The following SPAG5 variants were observed in gnomAD, a reference collection of about 807,000 sequenced individuals.
The protein encoded by SPAG5 is sperm associated antigen 5.
Under a neutral mutation model 145.4 loss-of-function variants are expected in SPAG5, and 99 were observed. The ratio of observed to expected loss-of-function variants is 0.68; its 90% CI spans 0.58 to 0.80. The LOEUF (loss-of-function observed/expected upper bound fraction) is 0.80. Ranked by LOEUF, SPAG5 falls within the 30% of genes least tolerant of loss-of-function variation. The pLI, the probability that SPAG5 is intolerant of heterozygous loss-of-function variation, is 0.00. For missense variants in SPAG5, 1,192 were observed against 1,416.0 expected (o/e 0.84, Z 2.54); for synonymous variants, 477 against 525.4 (o/e 0.91, Z 1.26).
At chr17:28,590,628 T>C (rs2070613846) in intron 4 of SPAG5, among the ~76,000 whole-genome samples, 4 of 151,850 alleles carry the variant, frequency 2.6e-5, no homozygotes, top group Admixed American at 2.0e-4. Context: ...CCCAGCACTT[T>C]GGGAGGCTGA....
chr17:28,593,178 C>G (rs2070636494), intron 2 of SPAG5, 112 bp from the exon 3 acceptor site: 10 of 1,323,522 alleles, frequency 7.6e-6, no homozygotes, highest in Non-Finnish European at 1.0e-5. Context: ...ACTACCTCTG[C>G]TTAGGTAAGA....
chr17:28,595,784 G>A (rs1309269518), intron 2 of SPAG5, among the ~76,000 whole-genome samples: 1 of 151,786 alleles, frequency 6.6e-6, no homozygotes, highest in Non-Finnish European at 1.5e-5. Context: ...GGTGGCTCAC[G>A]CCCGTAATCC....
Position 28,586,454 on chromosome 17 carries a change from G to C in SPAG5, c.1483C>G (p.Gln495Glu), listed in dbSNP as rs1298362561. ...ACATTTCTGGCCTGCTGTAGGGCCT[G>C]TCCCATCTCATGGCTCTCCTTAAGA... ...QHLKESHEMG[Q>E]ALQQARNVMQ... The change falls in exon 5 of 24, where the codon CAG (glutamine) becomes GAG (glutamate). Residue 495 changes from glutamine to glutamate, a missense_variant. Transcript: ENST00000321765. 3.1e-6 allele frequency: 5 copies of C among 1,613,810 alleles called. No individual in the cohort carries two copies. The African/African-American group carries it at 6.7e-5, about 22-fold the overall frequency.
intron 4 of SPAG5, 37 bp from the exon 5 acceptor site, chr17:28,586,536 G>A (rs766732557): frequency 6.4e-6 from 10 of 1,555,936 alleles, no homozygotes; most frequent in South Asian, 2.2e-5. Context: ...TGTTTTGTTT[G>A]TTTGTTTGTT....
intron 14 of SPAG5, 42 bp from the exon 15 acceptor site, chr17:28,583,691 C>T: frequency 6.4e-7 from 1 of 1,565,554 alleles, no homozygotes; most frequent in South Asian, 1.2e-5. Flanking sequence ...ACCAAATTAC[C>T]TTCTCTGAAC....
chr17:28,578,230 C>T lies in SPAG5; in HGVS notation c.3417G>A (p.Lys1139=), dbSNP rs534845700. The T allele has an allele frequency of 1.2e-6, 2 of 1,614,196 alleles. No homozygotes were observed. Among genetic ancestry groups the T allele is most frequent in the Admixed American group, 3.3e-5 (2 of 60,020 alleles). The change falls in exon 22 of 24, where the codon AAG becomes AAA. Residue 1139 remains lysine, a synonymous_variant. Transcript: ENST00000321765. ...MKNEKEKLMI[K]FQSHRNILEE... ...TGGACATTCTTACATGGCTCTGGAA[C>T]TTGATCATGAGTTTTTCCTTCTCAT...
Position 28,584,744 on chromosome 17 carries a change from A to C in SPAG5, c.2069T>G (p.Val690Gly), listed in dbSNP as rs1158928304. 1.2e-6 allele frequency: 2 copies of C among 1,610,132 alleles called. No individual in the cohort carries two copies. The highest frequency in any genetic ancestry group is 3.3e-5 in the Admixed American group (2 of 59,970). ...AGAGACTTGTTCCAGCACCCTAGAA[A>C]CCTAGGAAGAACAGATGGTTTTCCT... The part of the protein sequence containing the change: ...RDVAIEEKQE[V>G]SRVLEQVSAQ... Residue 690 changes from valine to glycine, a missense_variant and splice_region_variant, in exon 11 of 24, where the codon GTT (valine) becomes GGT (glycine). Transcript: ENST00000321765.
At position 28,598,662 on chromosome 17, in the gene SPAG5, G is replaced by A. The variant is rs756376555; in HGVS notation, c.52-27C>T. The A allele has an allele frequency of 2.1e-5, 33 of 1,574,996 alleles. 1 individual carries two copies. Among genetic ancestry groups the A allele is most frequent in the South Asian group, 1.0e-4 (9 of 85,812 alleles). On this transcript the variant is annotated intron_variant, in intron 1 of 23. Transcript: ENST00000321765. ...TGAGAAAGAAACCAAGAAAGAGGGCGAGTGTGAGGAAGCCTGGGTTCTGCC... is the reference window on the plus strand; with the variant it reads ...TGAGAAAGAAACCAAGAAAGAGGGCAAGTGTGAGGAAGCCTGGGTTCTGCC...
At position 28,584,713 on chromosome 17, in the gene SPAG5, C is replaced by A. The variant is rs750718376; in HGVS notation, c.2100G>T (p.Gln700His). The A allele has an allele frequency of 6.8e-6, 11 of 1,614,142 alleles. No homozygotes were observed. In the East Asian group the frequency reaches 2.5e-4, roughly 36 times the overall value. Reference sequence around the variant, plus strand: ...CTGTTTGGCCTTTGCACTCCTCTAACTGGGCAGAGACTTGTTCCAGCACCC... The same window carrying A: ...CTGTTTGGCCTTTGCACTCCTCTAAATGGGCAGAGACTTGTTCCAGCACCC... The part of the protein sequence containing the change: ...VSRVLEQVSA[Q>H]LEECKGQTEQ... The change falls in exon 11 of 24, where the codon CAG becomes CAT. Residue 700 changes from glutamine (Q) to histidine (H), a missense_variant. Gln to His is a conservative substitution (Grantham distance 24). Coordinates refer to ENST00000321765, the MANE Select transcript of SPAG5 (RefSeq NM_006461.4).
At chr17:28,583,729 A>T in intron 14 of SPAG5, 80 bp from the exon 15 acceptor site, 1 of 1,545,446 alleles carries the variant, frequency 6.5e-7, no homozygotes, top group Admixed American at 2.0e-5. Context: ...ACAGAGCTGC[A>T]TTAAAGGAGA....
chr17:28,580,185 C>T, intron 15 of SPAG5, 65 bp from the exon 16 acceptor site: 1 of 1,076,096 alleles, frequency 9.3e-7, no homozygotes, highest in Non-Finnish European at 1.4e-6. Context: ...TTCCAGGTAA[C>T]TCCCAGCCAT....
Position 28,584,142 on chromosome 17 carries a change from T to C in SPAG5, c.2412+8A>G, listed in dbSNP as rs1370987962. On this transcript the variant is annotated splice_region_variant and intron_variant, in intron 13 of 23. Coordinates refer to ENST00000321765, the MANE Select transcript of SPAG5 (RefSeq NM_006461.4). The stretch of plus-strand genomic sequence containing the variant: ...ACCAGCTCCCTTGGCCCAAGCCATA[T>C]TCCTTACCTCCAAGGTCTCTTTCAG... The C allele has an allele frequency of 6.2e-7, 1 of 1,613,812 alleles. No homozygotes were observed. The highest frequency in any genetic ancestry group is 1.3e-5 in the African/African-American group (1 of 74,940).
At chr17:28,588,937 C>T (rs1356791590) in intron 4 of SPAG5, among the ~76,000 whole-genome samples, 1 of 152,088 alleles carries the variant, frequency 6.6e-6, no homozygotes, top group Non-Finnish European at 1.5e-5. Context: ...CGGCCTCAGC[C>T]TCCCAAAGTG....
chr17:28,599,013 T>C lies in SPAG5; in HGVS notation c.-67A>G. 4 of 1,527,228 alleles carry C rather than the reference T, an allele frequency of 2.6e-6. No homozygotes were observed. The highest frequency in any genetic ancestry group is 1.1e-5 in the South Asian group (1 of 89,254). The allele number at this position is 1,527,228 out of a possible 1,614,324, so 94.6% of individuals were successfully genotyped here. A position where few individuals can be genotyped will look rare whatever the true frequency, so the allele number is the denominator to read the frequency against. ...GAGGACGCCATGTTCACCCGCCGTC[T>C]GTGTTTGAACCTGCTCTGCGCTTCC... On this transcript the variant is annotated 5_prime_UTR_variant, in exon 1 of 24. Coordinates refer to ENST00000321765, the MANE Select transcript of SPAG5 (RefSeq NM_006461.4).
chr17:28,584,449 G>T lies in SPAG5; in HGVS notation c.2193C>A (p.Asn731Lys), dbSNP rs1168430618. The change falls in exon 12 of 24, where the codon AAC (asparagine) becomes AAA (lysine). Residue 731 changes from asparagine (N) to lysine (K), a missense_variant. Asn to Lys is a moderately conservative substitution (Grantham distance 94). Around this residue, in one of 5 missense-constraint regions of SPAG5, gnomAD observed 709 missense variants for 840.7 expected, o/e 0.84. Transcript: ENST00000321765. The stretch of plus-strand genomic sequence containing the variant: ...GTAGCTCTTTTAGCTGGCTGTCCAT[G>T]TTGGCCAGAATCTGCAACTGAGCCC... ...DLRAQLQILANMDSQLKELQS... is the reference protein window; with the variant it reads ...DLRAQLQILAKMDSQLKELQS... 1 of 1,613,996 alleles carries T rather than the reference G, an allele frequency of 6.2e-7. No individual in the cohort carries two copies. Among genetic ancestry groups the T allele is most frequent in the South Asian group, 1.1e-5 (1 of 91,082 alleles).
In SPAG5 at chr17:28,579,695, C is replaced by T; in HGVS notation, c.2884+56G>A. 1.9e-6 allele frequency: 3 copies of T among 1,542,344 alleles called. No homozygotes were observed. The Admixed American group carries it at 5.0e-5, about 26-fold the overall frequency. Reference sequence around the variant, plus strand: ...GCACTTCTCACTGCTTTCGTCTTTACTCATCACCACCAGATTTTCTAGAAA... The same window carrying T: ...GCACTTCTCACTGCTTTCGTCTTTATTCATCACCACCAGATTTTCTAGAAA... On this transcript the variant is annotated intron_variant, in intron 17 of 23. Coordinates refer to ENST00000321765, the MANE Select transcript of SPAG5 (RefSeq NM_006461.4).
Position 28,598,976 on chromosome 17 carries a change from T to C in SPAG5, c.-30A>G. 1 of 1,610,352 alleles carries C rather than the reference T, an allele frequency of 6.2e-7. No individual in the cohort carries two copies. On this transcript the variant is annotated 5_prime_UTR_variant, in exon 1 of 24. Transcript: ENST00000321765. ...AACCAGAAGGCAGGCCTATCACGTC[T>C]CAGACCAAGTCGAGGACGCCATGTT... is the stretch of plus-strand genomic sequence containing the variant.
At chr17:28,587,617 T>C (rs1192067792) in intron 4 of SPAG5, among the ~76,000 whole-genome samples, 1 of 150,982 alleles carries the variant, frequency 6.6e-6, no homozygotes, top group Non-Finnish European at 1.5e-5. Context: ...CTCAGCTGGA[T>C]TGAGGTGGGA....
intron 19 of SPAG5, 77 bp from the exon 20 acceptor site, chr17:28,578,829 T>A: frequency 8.3e-7 from 1 of 1,200,446 alleles, no homozygotes; most frequent in Non-Finnish European, 1.2e-6. Flanking sequence ...TAGGAGAGAG[T>A]GCCTGACCCA....
Sources: allele counts gnomAD v4.1 joint callset (sites outside exome capture counted in the v4.1 genomes callset), GRCh38; gene constraint gnomAD v4.1.1; regional missense constraint gnomAD v4.1.1; transcripts MANE v1.5; gene names NCBI Gene and HGNC (gene_info 2026-07-23, HGNC 2026-07-21).